NRG3: variants seen among roughly 807,000 people sequenced by gnomAD.
The protein encoded by NRG3 is neuregulin 3.
A neutral mutation model predicts 66.9 loss-of-function variants in NRG3; 31 were observed. The ratio of observed to expected loss-of-function variants is 0.46; its 90% CI spans 0.35 to 0.63. The LOEUF (loss-of-function observed/expected upper bound fraction) is 0.63. Ranked by LOEUF, NRG3 falls within the 20% of genes least tolerant of loss-of-function variation. The pLI is 0.00. For missense variants in NRG3, 910 were observed against 878.9 expected (o/e 1.04, Z -0.45); for synonymous variants, 393 against 359.4 (o/e 1.09, Z -1.06).
At chr10:82,034,091 G>C (rs999328406) in intron 1 of NRG3, among the ~76,000 whole-genome samples, 2 of 152,102 alleles carry the variant, frequency 1.3e-5, no homozygotes, top group Admixed American at 1.3e-4. Flanking sequence ...GCAAGAGCTA[G>C]TTCCTTCTCT....
chr10:82,346,637 A>C (rs1481447387), intron 1 of NRG3, among the ~76,000 whole-genome samples: 2 of 151,410 alleles, frequency 1.3e-5, no homozygotes, highest in African/African-American at 2.4e-5. Flanking sequence ...TTCAGAAGGA[A>C]TGGTACCAGT....
At chr10:82,955,574 A>C (rs116351419) in intron 5 of NRG3, among the ~76,000 whole-genome samples, 2,188 of 152,022 alleles carry the variant, frequency 0.014, 89 homozygotes, top group African/African-American at 0.051. Flanking sequence ...AGGAGAGGAT[A>C]TGTTTCAGGA....
At chr10:82,127,118 C>T (rs976969592) in intron 1 of NRG3, among the ~76,000 whole-genome samples, 7 of 152,224 alleles carry the variant, frequency 4.6e-5, no homozygotes, top group South Asian at 2.1e-4. Flanking sequence ...ATGGGCCATG[C>T]GGCTTCAGCT....
At chr10:82,295,907 C>CAA (rs72023797) in intron 1 of NRG3, among the ~76,000 whole-genome samples, 41,126 of 150,254 alleles carry the variant, frequency 0.27, 5,662 homozygotes, top group Middle Eastern at 0.32. Flanking sequence ...TAAAAAAGGA[C>CAA]AAAAAAAACC....
chr10:82,275,439 T>TA (rs2078796167), intron 1 of NRG3, among the ~76,000 whole-genome samples: 1 of 152,002 alleles, frequency 6.6e-6, no homozygotes, highest in African/African-American at 2.4e-5. Context: ...TCAAGGCACT[T>TA]ACATGACCTA....
chr10:82,128,848 A>G (rs903225363), intron 1 of NRG3, among the ~76,000 whole-genome samples: 6 of 152,070 alleles, frequency 3.9e-5, no homozygotes, highest in Non-Finnish European at 7.4e-5. Context: ...ATTTCAGCCA[A>G]TAATAACCAT....
At chr10:82,408,135 GAAA>G (rs2087757460) in intron 2 of NRG3, among the ~76,000 whole-genome samples, 1 of 143,206 alleles carries the variant, frequency 7.0e-6, no homozygotes, top group East Asian at 2.1e-4. Flanking sequence ...AAGAAAGAAA[GAAA>G]GAAAGAAAAG....
At chr10:82,233,123 G>A (rs7908416) in intron 1 of NRG3, among the ~76,000 whole-genome samples, 2 of 152,148 alleles carry the variant, frequency 1.3e-5, no homozygotes, top group African/African-American at 2.4e-5. Flanking sequence ...CCAGCACTTC[G>A]GGAGGCCGAG....
chr10:82,233,007 A>G (rs2076563094), intron 1 of NRG3: 1 of 563,770 alleles, frequency 1.8e-6, no homozygotes, highest in African/African-American at 1.9e-5. Context: ...TATGTGGGCA[A>G]GGTAGAGGAA....
At chr10:82,415,545 T>C (rs534832332) in intron 2 of NRG3, among the ~76,000 whole-genome samples, 1 of 152,264 alleles carries the variant, frequency 6.6e-6, no homozygotes, top group African/African-American at 2.4e-5. Context: ...TGCATAAAAA[T>C]AATTTTGATT....
At chr10:82,403,838 CA>C (rs1439974807) in intron 2 of NRG3, among the ~76,000 whole-genome samples, 2 of 152,086 alleles carry the variant, frequency 1.3e-5, no homozygotes, top group African/African-American at 2.4e-5. Context: ...TGACTTTGGA[CA>C]TACAATTCCA....
chr10:82,259,563 A>G (rs1175118585), intron 1 of NRG3, among the ~76,000 whole-genome samples: 1 of 152,148 alleles, frequency 6.6e-6, no homozygotes, highest in Admixed American at 6.6e-5. Flanking sequence ...AAGAAATATT[A>G]AGTAAAAAGT....
intron 7 of NRG3, among the ~76,000 whole-genome samples, chr10:82,977,686 G>A (rs999422533): frequency 1.3e-5 from 2 of 151,826 alleles, no homozygotes; most frequent in African/African-American, 4.8e-5. Flanking sequence ...ACACATTTAG[G>A]AAGTTAATGT....
intron 1 of NRG3, among the ~76,000 whole-genome samples, chr10:82,260,775 A>G (rs1166396850): frequency 1.3e-5 from 2 of 152,228 alleles, no homozygotes; most frequent in Non-Finnish European, 2.9e-5. Flanking sequence ...CAGGCAGGAC[A>G]CAATAAATGA....
chr10:82,511,722 C>T (rs1845182065), intron 2 of NRG3, among the ~76,000 whole-genome samples: 1 of 152,102 alleles, frequency 6.6e-6, no homozygotes, highest in African/African-American at 2.4e-5. Context: ...AGAACAAATC[C>T]TTCACGTAGC....
chr10:82,265,152 C>A (rs1329537573), intron 1 of NRG3, among the ~76,000 whole-genome samples: 2 of 152,078 alleles, frequency 1.3e-5, no homozygotes, highest in Non-Finnish European at 1.5e-5. Flanking sequence ...AAAATTGGGG[C>A]CGCCAGTGCC....
chr10:82,321,453 G>A (rs1482422177), intron 1 of NRG3, among the ~76,000 whole-genome samples: 1 of 152,154 alleles, frequency 6.6e-6, no homozygotes, highest in Admixed American at 6.5e-5. Flanking sequence ...CGTGATTATT[G>A]TTTCCCTTCT....
intron 2 of NRG3, among the ~76,000 whole-genome samples, chr10:82,420,220 A>G (rs17100053): frequency 0.032 from 4,805 of 152,176 alleles, 174 homozygotes; most frequent in East Asian, 0.18. Flanking sequence ...ATGGAAGGAA[A>G]CAATCCTCAG....
At chr10:82,387,657 C>T (rs2086093842) in intron 2 of NRG3, among the ~76,000 whole-genome samples, 1 of 152,172 alleles carries the variant, frequency 6.6e-6, no homozygotes, top group Non-Finnish European at 1.5e-5. Flanking sequence ...ACAGTTAATT[C>T]TATACATGCA....
Sources: gnomAD v4.1 joint callset for allele counts (sites outside exome capture counted in the v4.1 genomes callset) on GRCh38, gnomAD v4.1.1 for gene constraint, MANE v1.5 for transcripts, NCBI Gene and HGNC (gene_info 2026-07-23, HGNC 2026-07-21) for gene names.